The following MACF1 variants were observed in gnomAD, a reference collection of about 807,000 sequenced individuals.
MACF1 encodes the protein microtubule-actin cross-linking factor 1.
A neutral mutation model predicts 854.8 loss-of-function variants in MACF1; 193 were observed. That is an observed-to-expected ratio of 0.23 (90% CI 0.20 to 0.25). The LOEUF (loss-of-function observed/expected upper bound fraction) is 0.25, where lower values mean the gene tolerates loss of function less well. Ranked by LOEUF, MACF1 falls within the 10% of genes least tolerant of loss-of-function variation. The pLI is 1.00. For synonymous variants in MACF1, 3,185 were observed against 3,226.7 expected (o/e 0.99, Z 0.44); for missense variants, 7,722 against 8,929.1 (o/e 0.86, Z 5.45).
Position 39,423,332 on chromosome 1 carries a change from CAAAT to C in MACF1, c.16149+436_16149+439del, listed in dbSNP as rs1232950249. On this transcript the variant is annotated intron_variant, in intron 60 of 100. Transcript: ENST00000564288. ...CTCAGCTTTATTGGTATATAGTTGA[CAAAT>C]AAAAATTGTATATGTTTGGCTGGGT... Among the ~76,000 whole-genome samples, 9 of 152,064 alleles carry C rather than the reference CAAAT, an allele frequency of 5.9e-5. No individual in the cohort carries two copies. In the South Asian group the frequency reaches 1.5e-3, roughly 25 times the overall value.
intron 6 of MACF1, among the ~76,000 whole-genome samples, chr1:39,269,976 G>A (rs1011153319): frequency 2.6e-5 from 4 of 152,150 alleles, no homozygotes; most frequent in African/African-American, 9.7e-5. Flanking sequence ...CTATCTGGTG[G>A]GATGATCTCT....
At chr1:39,273,837 G>T (rs561996849) in intron 6 of MACF1, among the ~76,000 whole-genome samples, 1 of 152,108 alleles carries the variant, frequency 6.6e-6, no homozygotes, top group African/African-American at 2.4e-5. Flanking sequence ...TAATCCGCCC[G>T]CCTCGGCTTC....
Position 39,441,334 on chromosome 1 carries a change from C to G in MACF1, c.18672+9C>G. 1.9e-6 allele frequency: 3 copies of G among 1,605,210 alleles called. No homozygotes were observed. The highest frequency in any genetic ancestry group is 2.6e-6 in the Non-Finnish European group (3 of 1,173,294). On this transcript the variant is annotated intron_variant, in intron 74 of 100. Coordinates refer to ENST00000564288, the MANE Select transcript of MACF1 (RefSeq NM_001394062.1). ...ATCAGGACACTCTTCAGGTGAGAGG[C>G]CAGGAGGTGACCACCAAGGAAATAC... is the stretch of plus-strand genomic sequence containing the variant.
intron 2 of MACF1, among the ~76,000 whole-genome samples, chr1:39,107,112 G>A (rs1444020451): frequency 1.3e-5 from 2 of 152,122 alleles, no homozygotes; most frequent in Non-Finnish European, 2.9e-5. Flanking sequence ...GAGTAACACT[G>A]CTCTCTTCAG....
intron 2 of MACF1, among the ~76,000 whole-genome samples, chr1:39,106,431 AGAAAGTTTT>A (rs1642240481): frequency 6.6e-6 from 1 of 152,046 alleles, no homozygotes; most frequent in South Asian, 2.1e-4. Context: ...GTGTATGGGG[AGAAAGTTTT>A]GACAGACAAG....
chr1:39,146,762 T>G (rs1181147305), intron 2 of MACF1, among the ~76,000 whole-genome samples: 1 of 152,060 alleles, frequency 6.6e-6, no homozygotes, highest in African/African-American at 2.4e-5. Context: ...ATAAAAAGAC[T>G]AAATAAAACC....
intron 36 of MACF1, among the ~76,000 whole-genome samples, chr1:39,327,800 A>C (rs1646644432): frequency 1.3e-5 from 2 of 152,214 alleles, no homozygotes; most frequent in Admixed American, 1.3e-4. Flanking sequence ...AAACTGGTAG[A>C]GTAGTTTCAC....
chr1:39,412,788 C>G (rs1180187119), intron 58 of MACF1: 1 of 1,612,770 alleles, frequency 6.2e-7, no homozygotes, highest in Non-Finnish European at 8.5e-7. Flanking sequence ...CTGCAGTACC[C>G]ACTGTCAAAG....
intron 6 of MACF1, among the ~76,000 whole-genome samples, chr1:39,277,573 G>A (rs528934908): frequency 4.6e-5 from 7 of 152,232 alleles, no homozygotes; most frequent in Middle Eastern, 3.4e-3. Context: ...TCATATGTTA[G>A]TTATGGCATG....
At chr1:39,111,484 G>A (rs576726803) in intron 2 of MACF1, among the ~76,000 whole-genome samples, 3 of 151,954 alleles carry the variant, frequency 2.0e-5, no homozygotes, top group East Asian at 1.9e-4. Flanking sequence ...CCAGGTTCAT[G>A]CCATTCTCCT....
intron 2 of MACF1, among the ~76,000 whole-genome samples, chr1:39,173,028 C>A (rs1375283137): frequency 6.6e-6 from 1 of 152,056 alleles, no homozygotes; most frequent in South Asian, 2.1e-4. Flanking sequence ...ACACTGCTTA[C>A]AAAACCCAGT....
At chr1:39,112,662 C>CA (rs1281229397) in intron 2 of MACF1, among the ~76,000 whole-genome samples, 1 of 151,302 alleles carries the variant, frequency 6.6e-6, no homozygotes, top group Non-Finnish European at 1.5e-5. Context: ...GCCTGGACAA[C>CA]AGAGCAAGAC....
At chr1:39,380,775 G>A (rs1650111486) in intron 55 of MACF1, among the ~76,000 whole-genome samples, 1 of 152,054 alleles carries the variant, frequency 6.6e-6, no homozygotes, top group African/African-American at 2.4e-5. Flanking sequence ...AGCCAGGTGT[G>A]GTGGCATGAG....
At chr1:39,204,609 AAG>A (rs1168779574), upstream of MACF1, 1 of 157,080 alleles carries the variant, frequency 6.4e-6, no homozygotes, top group Non-Finnish European at 1.4e-5. Context: ...ATGGAAAGTT[AAG>A]AGTGTGACGT....
intron 2 of MACF1, among the ~76,000 whole-genome samples, chr1:39,134,130 TC>T (rs1407374664): frequency 7.7e-6 from 1 of 130,238 alleles, no homozygotes; most frequent in African/African-American, 2.8e-5. Flanking sequence ...AAGCTCCGCC[TC>T]CCGGGTTCAT....
chr1:39,385,327 C>T (rs1391174341), intron 56 of MACF1, 107 bp from the exon 57 acceptor site: 1 of 1,282,780 alleles, frequency 7.8e-7, no homozygotes, highest in African/African-American at 1.5e-5. Context: ...CTCGGCCTCC[C>T]AAAGTGCTGC....
At chr1:39,088,059 G>A (rs541947154) in intron 2 of MACF1, among the ~76,000 whole-genome samples, 4 of 151,944 alleles carry the variant, frequency 2.6e-5, no homozygotes, top group Admixed American at 6.6e-5. Flanking sequence ...TGCAGGCTCC[G>A]CCCCCTGGTT....
In MACF1 at chr1:39,283,022, C is replaced by A; in HGVS notation, c.696-167C>A. On this transcript the variant is annotated intron_variant, in intron 7 of 100. Coordinates refer to ENST00000564288, the MANE Select transcript of MACF1 (RefSeq NM_001394062.1). The surrounding 1 kb of genome is among the most constrained non-coding windows in gnomAD (Gnocchi z 4.5). Reference sequence around the variant, plus strand: ...TTTAGCATTAGGGAGCACTGGGCCCCTGGTGTATACTTAAAAATGGAATTT... The same window carrying A: ...TTTAGCATTAGGGAGCACTGGGCCCATGGTGTATACTTAAAAATGGAATTT... 1 of 575,518 alleles carries A rather than the reference C, an allele frequency of 1.7e-6. No individual in the cohort carries two copies. The highest frequency in any genetic ancestry group is 2.3e-5 in the South Asian group (1 of 43,674). 35.7% of individuals were successfully genotyped at this position (575,518 alleles called of 1,614,324 possible). A position where few individuals can be genotyped will look rare whatever the true frequency, so the allele number is the denominator to read the frequency against.
At chr1:39,339,155 G>T (rs912268479) in intron 38 of MACF1, among the ~76,000 whole-genome samples, 3 of 152,042 alleles carry the variant, frequency 2.0e-5, no homozygotes, top group African/African-American at 7.2e-5. Flanking sequence ...TCAGGAAGCT[G>T]AGGCAGGAGG....
Sources: allele counts gnomAD v4.1 joint callset (sites outside exome capture counted in the v4.1 genomes callset), GRCh38; gene constraint gnomAD v4.1.1; non-coding constraint Gnocchi (gnomAD v3.1); transcripts MANE v1.5; gene names NCBI Gene and HGNC (gene_info 2026-07-23, HGNC 2026-07-21).